The following NLN variants were observed in gnomAD, a reference collection of about 807,000 sequenced individuals.
NLN encodes the protein neurolysin, also known as neurolysin, mitochondrial.
A neutral mutation model predicts 79.9 loss-of-function variants in NLN; 64 were observed. That is an observed-to-expected ratio of 0.80 (90% CI 0.65 to 0.99). The LOEUF (loss-of-function observed/expected upper bound fraction) is 0.99, where lower values mean the gene tolerates loss of function less well. Ranked by LOEUF, NLN falls within the 50% of genes least tolerant of loss-of-function variation. NLN has a pLI of 0.00. For missense variants in NLN, 835 were observed against 858.7 expected (o/e 0.97, Z 0.34); for synonymous variants, 267 against 296.6 (o/e 0.90, Z 1.02).
intron 8 of NLN, among the ~76,000 whole-genome samples, chr5:65,788,908 G>A (rs1344966964): frequency 2.6e-5 from 4 of 151,786 alleles, no homozygotes; most frequent in Non-Finnish European, 4.4e-5. Flanking sequence ...AGAGGTGGAG[G>A]CTGCAGTGAG....
rs1423295220 is a variant in NLN at position 65,733,960 on chromosome 5, C to T, written c.41+11546C>T. On this transcript the variant is annotated intron_variant, in intron 1 of 12. Transcript: ENST00000380985. ...TCACCCAGGCTGGAGTGCACTGGCA[C>T]GACTTCGGCTCACTGCAACCTCTGC... is the stretch of plus-strand genomic sequence containing the variant. 2.9e-5 allele frequency among the ~76,000 whole-genome samples: 4 copies of T among 135,594 alleles called. 1 individual carries two copies. The highest frequency in any genetic ancestry group is 2.0e-4 in the East Asian group (1 of 4,940). The allele number at this position is 135,594 out of a possible 152,430, so 89.0% of individuals were successfully genotyped here.
At chr5:65,744,883 GAGAAA>G (rs150193602) in intron 1 of NLN, among the ~76,000 whole-genome samples, 1 of 151,786 alleles carries the variant, frequency 6.6e-6, no homozygotes, top group Admixed American at 6.6e-5. Context: ...TCAAAAAAAA[GAGAAA>G]AGAAAAGAAT....
At position 65,827,274 on chromosome 5, in the gene NLN, G is replaced by A. The variant is rs72768048; in HGVS notation, c.*4359G>A. On this transcript the variant is annotated 3_prime_UTR_variant, in exon 13 of 13. Transcript: ENST00000380985. The stretch of plus-strand genomic sequence containing the variant: ...AGTTCCCTTTCCTGAGAAAATACAG[G>A]TTCAACACATCTAGTCCACGATGTA... 5,320 of 152,170 alleles carry A rather than the reference G, an allele frequency of 0.035. 124 individuals are homozygous for A. Among genetic ancestry groups the A allele is most frequent in the East Asian group, 0.062 (322 of 5,178 alleles). 9.4% of individuals were successfully genotyped at this position (152,170 alleles called of 1,614,324 possible).
At chr5:65,743,398 T>A (rs950756989) in intron 1 of NLN, among the ~76,000 whole-genome samples, 1 of 152,232 alleles carries the variant, frequency 6.6e-6, no homozygotes, top group Non-Finnish European at 1.5e-5. Context: ...TAGATCCTGA[T>A]GCATTGCATT....
intron 7 of NLN, 143 bp downstream of exon 7, chr5:65,786,053 A>G: frequency 1.5e-6 from 1 of 659,896 alleles, no homozygotes. Context: ...TAAGTGTTAG[A>G]TAGTGTGCTT....
At chr5:65,785,329 CTA>C (rs1250792918) in intron 6 of NLN, among the ~76,000 whole-genome samples, 2 of 151,964 alleles carry the variant, frequency 1.3e-5, no homozygotes, top group African/African-American at 2.4e-5. Flanking sequence ...AGCACATTTT[CTA>C]TGTTTTTAAA....
chr5:65,781,708 T>A (rs1048209959), intron 6 of NLN, among the ~76,000 whole-genome samples: 21 of 152,196 alleles, frequency 1.4e-4, no homozygotes, highest in African/African-American at 5.1e-4. Context: ...AAGTCCTGCT[T>A]TAATATGAAA....
At chr5:65,762,702 C>CAA (rs35035106) in intron 2 of NLN, among the ~76,000 whole-genome samples, 58 of 140,990 alleles carry the variant, frequency 4.1e-4, no homozygotes, top group South Asian at 3.4e-3. Flanking sequence ...GACCCTGTCT[C>CAA]AAAAAAAAAA....
rs571289987 is a variant in NLN at position 65,783,929 on chromosome 5, T to C, written c.823-1846T>C. On this transcript the variant is annotated intron_variant, in intron 6 of 12. Transcript: ENST00000380985. ...AAATAATAATAATTATAACAGATAA[T>C]TATATAGTGTTTGGTTATGTGCCAG... Among the ~76,000 whole-genome samples, 7 of 152,300 alleles carry C rather than the reference T, an allele frequency of 4.6e-5. No homozygotes were observed. The East Asian group carries it at 1.2e-3, about 25-fold the overall frequency.
chr5:65,739,040 TAAA>T (rs1438361582), intron 1 of NLN, among the ~76,000 whole-genome samples: 2 of 98,128 alleles, frequency 2.0e-5, no homozygotes, highest in African/African-American at 7.0e-5. Context: ...AATATATATA[TAAA>T]AAATATATAT....
At chr5:65,806,984 C>T (rs2150772382) in intron 9 of NLN, among the ~76,000 whole-genome samples, 1 of 152,190 alleles carries the variant, frequency 6.6e-6, no homozygotes, top group East Asian at 1.9e-4. Context: ...TGAGACCAGC[C>T]TGGCCAACAT....
intron 1 of NLN, among the ~76,000 whole-genome samples, chr5:65,742,833 A>G (rs1000277919): frequency 6.6e-6 from 1 of 152,124 alleles, no homozygotes; most frequent in Non-Finnish European, 1.5e-5. Context: ...TCACATAATT[A>G]CTTTTCTTCA....
intron 1 of NLN, among the ~76,000 whole-genome samples, chr5:65,744,576 C>A (rs978987482): frequency 6.6e-6 from 1 of 151,198 alleles, no homozygotes; most frequent in Non-Finnish European, 1.5e-5. Flanking sequence ...AAAGAACCAG[C>A]ATTTATTGCA....
intron 12 of NLN, 111 bp from the exon 13 acceptor site, chr5:65,822,670 G>T (rs908037149): frequency 1.3e-6 from 1 of 769,410 alleles, no homozygotes; most frequent in South Asian, 1.4e-5. Flanking sequence ...TCTAGACAGA[G>T]TAAGGCTAAA....
intron 9 of NLN, among the ~76,000 whole-genome samples, chr5:65,803,508 G>T (rs1027112701): frequency 2.0e-5 from 3 of 152,194 alleles, no homozygotes; most frequent in African/African-American, 7.2e-5. Flanking sequence ...TGCCGCTAAT[G>T]GGTTGGGGGA....
chr5:65,806,992 C>G (rs1372110955), intron 9 of NLN, among the ~76,000 whole-genome samples: 1 of 152,030 alleles, frequency 6.6e-6, no homozygotes, highest in African/African-American at 2.4e-5. Flanking sequence ...GCCTGGCCAA[C>G]ATGGTGAAAC....
chr5:65,741,394 T>C (rs1301370499), intron 1 of NLN, among the ~76,000 whole-genome samples: 1 of 152,196 alleles, frequency 6.6e-6, no homozygotes, highest in Non-Finnish European at 1.5e-5. Flanking sequence ...AATACCATTG[T>C]CACACGTAAA....
intron 1 of NLN, among the ~76,000 whole-genome samples, chr5:65,740,118 T>C (rs1194721517): frequency 6.6e-6 from 1 of 152,216 alleles, no homozygotes; most frequent in Non-Finnish European, 1.5e-5. Flanking sequence ...CTTAGTTCAT[T>C]TTCTGTTGCC....
chr5:65,818,038 G>A (rs1021266619), intron 12 of NLN, among the ~76,000 whole-genome samples: 3 of 152,108 alleles, frequency 2.0e-5, no homozygotes, highest in Admixed American at 6.5e-5. Context: ...CTCAGGTTTC[G>A]CCTGACTTGA....
Sources: gnomAD v4.1 joint callset for allele counts (sites outside exome capture counted in the v4.1 genomes callset) on GRCh38, gnomAD v4.1.1 for gene constraint, MANE v1.5 for transcripts, NCBI Gene and HGNC (gene_info 2026-07-23, HGNC 2026-07-21) for gene names.